Variants in FAM161A observed in about 807,000 individuals in gnomAD.
FAM161A encodes protein FAM161A.
Under a neutral mutation model 70.9 loss-of-function variants are expected in FAM161A, and 57 were observed. That is an observed-to-expected ratio of 0.80 (90% CI 0.65 to 1.00). The LOEUF is 1.00. FAM161A is among the 50% of genes least tolerant of loss of function. FAM161A has a pLI of 0.00. For synonymous variants in FAM161A, 299 were observed against 295.7 expected (o/e 1.01, Z -0.12); for missense variants, 880 against 836.0 (o/e 1.05, Z -0.65).
Position 61,827,274 on chromosome 2 carries a change from AC to A in FAM161A, c.1852-17del. ...TTGCATTTTTCTATAGGAAAGACAA[AC>A]CTTTTTAGACGAGAACAGAAGACTT... is the stretch of plus-strand genomic sequence containing the variant. On this transcript the variant is annotated splice_polypyrimidine_tract_variant and intron_variant, in intron 5 of 6. Coordinates refer to ENST00000404929, the MANE Select transcript of FAM161A (RefSeq NM_001201543.2). The A allele has an allele frequency of 6.2e-7, 1 of 1,611,284 alleles. No individual in the cohort carries two copies. The highest frequency in any genetic ancestry group is 2.2e-5 in the East Asian group (1 of 44,814).
At chr2:61,827,652 T>C (rs1266316096) in intron 5 of FAM161A, among the ~76,000 whole-genome samples, 1 of 146,384 alleles carries the variant, frequency 6.8e-6, no homozygotes, top group Non-Finnish European at 1.5e-5. Context: ...GTACTGGTGA[T>C]AATTAAGTTC....
At position 61,840,242 on chromosome 2, in the gene FAM161A, CTCTTCT is replaced by C; in HGVS notation, c.756_761del (p.Glu253_Glu254del). ...CGATATCTGATTTAGATTTCATGGACTCTTCTTTTTTCTTCTGTTCTCTTATCATCA... is the reference window on the plus strand; with the variant it reads ...CGATATCTGATTTAGATTTCATGGACTTTTTCTTCTGTTCTCTTATCATCA... On this transcript the variant is annotated inframe_deletion, in exon 3 of 7. Transcript: ENST00000404929. 6.2e-7 allele frequency: 1 copy of C among 1,613,936 alleles called. No individual in the cohort carries two copies. Among genetic ancestry groups the C allele is most frequent in the Non-Finnish European group, 8.5e-7 (1 of 1,179,972 alleles).
chr2:61,843,959 T>C (rs906920290), intron 1 of FAM161A, among the ~76,000 whole-genome samples: 1 of 152,000 alleles, frequency 6.6e-6, no homozygotes. Flanking sequence ...CTGGCTAACA[T>C]GGCAAAACCC....
chr2:61,843,893 C>T (rs1230312209), intron 1 of FAM161A, among the ~76,000 whole-genome samples: 1 of 152,146 alleles, frequency 6.6e-6, no homozygotes, highest in Non-Finnish European at 1.5e-5. Flanking sequence ...CCTATAATCC[C>T]AGCACTTTGG....
At chr2:61,823,638 T>C (rs1672259181), downstream of FAM161A, among the ~76,000 whole-genome samples, 1 of 152,046 alleles carries the variant, frequency 6.6e-6, no homozygotes, top group East Asian at 1.9e-4. Context: ...AGTGCTGAGA[T>C]TACAGGCATG....
At chr2:61,827,387 G>C (rs1441877685) in intron 5 of FAM161A, 129 bp from the exon 6 acceptor site, 24 of 804,302 alleles carry the variant, frequency 3.0e-5, no homozygotes, top group Middle Eastern at 7.5e-4. Context: ...GAGACGGGTG[G>C]ATCACGAGGT....
Position 61,838,669 on chromosome 2 carries a change from CTCT to C in FAM161A, c.1617_1619del (p.Glu540del), listed in dbSNP as rs764522202. ...TCTGTTTAGTTAGGATCCGATTTCT[CTCT>C]TCTTCCAACATTTTCTTTTCCTCAA... is the stretch of plus-strand genomic sequence containing the variant. On this transcript the variant is annotated inframe_deletion, in exon 4 of 7. Coordinates refer to ENST00000404929, the MANE Select transcript of FAM161A (RefSeq NM_001201543.2). 6 of 1,609,122 alleles carry C rather than the reference CTCT, an allele frequency of 3.7e-6. No homozygotes were observed.
Position 61,853,890 on chromosome 2 carries a change from T to C in FAM161A, c.152A>G (p.Glu51Gly), listed in dbSNP as rs1262979655. 4 of 1,613,796 alleles carry C rather than the reference T, an allele frequency of 2.5e-6. No individual in the cohort carries two copies. Among genetic ancestry groups the C allele is most frequent in the South Asian group, 1.1e-5 (1 of 91,090 alleles). The part of the protein sequence containing the change: ...AAEAILEDEE[E>G]EKVAQPAGAS... The stretch of plus-strand genomic sequence containing the variant: ...CCCAGCGGGCTGAGCCACTTTCTCC[T>C]CCTCTTCGTCCTCCAAGATCGCCTC... Residue 51 changes from glutamate to glycine, a missense_variant, in exon 1 of 7, where the codon GAG becomes GGG. Physicochemically the swap from Glu to Gly is moderately conservative, Grantham distance 98. Coordinates refer to ENST00000404929, the MANE Select transcript of FAM161A (RefSeq NM_001201543.2).
At chr2:61,838,470 A>C (rs901826292) in intron 4 of FAM161A, 68 bp downstream of exon 4, 1 of 1,300,672 alleles carries the variant, frequency 7.7e-7, no homozygotes, top group Non-Finnish European at 1.1e-6. Context: ...ATATTTTACT[A>C]TCTACTGATT....
At chr2:61,814,529 A>G in the FAM161A span, among the ~76,000 whole-genome samples, 2 of 152,038 alleles carry the variant, frequency 1.3e-5, no homozygotes. Context: ...AGCTAGGGCA[A>G]CGTGACAAAA....
At chr2:61,828,937 G>T (rs541205600) in intron 5 of FAM161A, among the ~76,000 whole-genome samples, 43 of 152,252 alleles carry the variant, frequency 2.8e-4, no homozygotes, top group African/African-American at 1.0e-3. Context: ...CCCATGAGTG[G>T]ATCTGAACTG....
chr2:61,820,730 G>T (rs2105050936), downstream of FAM161A, among the ~76,000 whole-genome samples: 1 of 152,292 alleles, frequency 6.6e-6, no homozygotes, highest in Middle Eastern at 3.4e-3. Context: ...AAATATGTCT[G>T]TGATTTGCTT....
intron 4 of FAM161A, among the ~76,000 whole-genome samples, chr2:61,838,212 A>G (rs1342341301): frequency 6.6e-6 from 1 of 152,240 alleles, no homozygotes; most frequent in African/African-American, 2.4e-5. Flanking sequence ...GCTCTTTGAT[A>G]TATCTGTTTA....
intron 1 of FAM161A, 99 bp from the exon 2 acceptor site, chr2:61,842,459 T>C: frequency 5.6e-6 from 4 of 710,718 alleles, no homozygotes; most frequent in Non-Finnish European, 9.7e-6. Flanking sequence ...GTCCACCTAG[T>C]TAGGTTATAC....
chr2:61,842,049 G>A (rs1010762588), intron 2 of FAM161A, 73 bp downstream of exon 2: 3 of 964,932 alleles, frequency 3.1e-6, no homozygotes, highest in South Asian at 1.3e-5. Context: ...ATATTATGAA[G>A]TAACTTTGTT....
chr2:61,807,633 A>ATTTTTTTT, the FAM161A span, among the ~76,000 whole-genome samples: 11 of 113,314 alleles, frequency 9.7e-5, no homozygotes, highest in African/African-American at 1.4e-4. Flanking sequence ...TGGACTCCAG[A>ATTTTTTTT]TTTTTTTTTT....
At chr2:61,816,047 C>A in the FAM161A span, among the ~76,000 whole-genome samples, 2 of 152,144 alleles carry the variant, frequency 1.3e-5, no homozygotes, top group African/African-American at 4.8e-5. Context: ...TGCAGAGAGG[C>A]TTCCTAAGCT....
rs1388114860 is a variant in FAM161A, at chr2:61,840,460, C to T, written c.544G>A (p.Glu182Lys). 1.2e-6 allele frequency: 2 copies of T among 1,613,834 alleles called. No individual in the cohort carries two copies. The highest frequency in any genetic ancestry group is 1.7e-6 in the Non-Finnish European group (2 of 1,179,984). Residue 182 changes from glutamate (E) to lysine (K), a missense_variant, in exon 3 of 7, where the codon GAA becomes AAA. Transcript: ENST00000404929. ...SSSEEELPNL[E>K]KEYPRKNRMM... Reference sequence around the variant, plus strand: ...CTGTTTTTCCTAGGATACTCTTTTTCTAGGTTGGGTAACTCCTCTTCAGAG... The same window carrying T: ...CTGTTTTTCCTAGGATACTCTTTTTTTAGGTTGGGTAACTCCTCTTCAGAG...
At chr2:61,835,655 T>C (rs968361204) in intron 5 of FAM161A, 1 of 184,146 alleles carries the variant, frequency 5.4e-6, no homozygotes, top group Non-Finnish European at 1.1e-5. Context: ...TGGATTGGCA[T>C]GTTATTTATC....
Sources: allele counts gnomAD v4.1 joint callset (sites outside exome capture counted in the v4.1 genomes callset), GRCh38; gene constraint gnomAD v4.1.1; transcripts MANE v1.5; gene names NCBI Gene and HGNC (gene_info 2026-07-23, HGNC 2026-07-21).